The following PLEKHA2 variants were observed in gnomAD, a reference collection of about 807,000 sequenced individuals.
The protein encoded by PLEKHA2 is pleckstrin homology domain containing A2, also known as pleckstrin homology domain-containing family A member 2.
A neutral mutation model predicts 53.2 loss-of-function variants in PLEKHA2; 28 were observed. The observed-to-expected ratio is 0.53, with a 90% CI of 0.39 to 0.72. The LOEUF (loss-of-function observed/expected upper bound fraction) is 0.72, where lower values mean the gene tolerates loss of function less well. Ranked by LOEUF, PLEKHA2 falls within the 30% of genes least tolerant of loss-of-function variation. The pLI is 0.00. For synonymous variants in PLEKHA2, 193 were observed against 196.4 expected (o/e 0.98, Z 0.14); for missense variants, 426 against 537.9 (o/e 0.79, Z 2.06).
intron 1 of PLEKHA2, among the ~76,000 whole-genome samples, chr8:38,902,758 C>T (rs1471495844): frequency 3.3e-5 from 5 of 152,156 alleles, no homozygotes; most frequent in African/African-American, 1.2e-4. Flanking sequence ...ATGTATTATA[C>T]ATGCAAGGCA....
Position 38,969,940 on chromosome 8 carries a change from G to GCT in PLEKHA2, c.*158_*159dup. ...GGGAGGGAGGGGCCCATCCAGCTGG[G>GCT]CTGTGTGTGTGTGTGTGTGTGTGTG... On this transcript the variant is annotated 3_prime_UTR_variant, in exon 12 of 12. Coordinates refer to ENST00000617275, the MANE Select transcript of PLEKHA2 (RefSeq NM_021623.2). 1.2e-6 allele frequency: 1 copy of GCT among 825,732 alleles called. No homozygotes were observed. The highest frequency in any genetic ancestry group is 1.8e-6 in the Non-Finnish European group (1 of 568,826). The allele number at this position is 825,732 out of a possible 1,614,324, so 51.2% of individuals were successfully genotyped here.
chr8:38,954,432 C>T (rs1834899887), intron 9 of PLEKHA2, among the ~76,000 whole-genome samples: 1 of 152,150 alleles, frequency 6.6e-6, no homozygotes, highest in Non-Finnish European at 1.5e-5. Context: ...CTGGAGGGCC[C>T]TTGCAGATGT....
intron 2 of PLEKHA2, among the ~76,000 whole-genome samples, chr8:38,930,245 G>A (rs192947045): frequency 6.6e-5 from 10 of 151,908 alleles, no homozygotes; most frequent in Admixed American, 1.3e-4. Context: ...TCTGTCACCC[G>A]GGCTGGAGTG....
chr8:38,962,905 G>A (rs368152345), intron 10 of PLEKHA2, among the ~76,000 whole-genome samples: 4 of 151,868 alleles, frequency 2.6e-5, no homozygotes, highest in South Asian at 2.1e-4. Flanking sequence ...ACTATGTAGT[G>A]TGCAATCTAC....
chr8:38,950,951 G>C lies in PLEKHA2; in HGVS notation c.447G>C (p.Glu149Asp). Residue 149 changes from glutamate to aspartate, a missense_variant, in exon 6 of 12, where the codon GAG becomes GAC. By Grantham distance (45) the Glu-to-Asp change is conservative. Coordinates refer to ENST00000617275, the MANE Select transcript of PLEKHA2 (RefSeq NM_021623.2). ...AGCCACAGGTGGCCTACAAGACGGA[G>C]ATCATTGGAGGGGTGGTGGTCCACA... ...EKKPQVAYKTEIIGGVVVHTP... is the reference protein window; with the variant it reads ...EKKPQVAYKTDIIGGVVVHTP... The C allele has an allele frequency of 6.2e-7, 1 of 1,613,978 alleles. No homozygotes were observed. Among genetic ancestry groups the C allele is most frequent in the Non-Finnish European group, 8.5e-7 (1 of 1,179,874 alleles).
chr8:38,916,560 G>A (rs1236792698), intron 1 of PLEKHA2, among the ~76,000 whole-genome samples: 1 of 152,122 alleles, frequency 6.6e-6, no homozygotes, highest in Admixed American at 6.6e-5. Flanking sequence ...TTAACATAAT[G>A]ATCCCCAGTT....
intron 1 of PLEKHA2, 79 bp from the exon 2 acceptor site, chr8:38,917,828 T>C (rs1834087410): frequency 6.7e-7 from 1 of 1,494,238 alleles, no homozygotes; most frequent in African/African-American, 1.4e-5. Context: ...TCAGCCCAGC[T>C]TCTGGAAAAG....
At chr8:38,951,027 G>T (rs528637389) in intron 6 of PLEKHA2, 37 bp downstream of exon 6, 5 of 1,582,674 alleles carry the variant, frequency 3.2e-6, no homozygotes, top group Admixed American at 3.4e-5. Flanking sequence ...GGGAGTGGGG[G>T]TGTGGAAGTG....
chr8:38,957,241 A>T, intron 9 of PLEKHA2, 82 bp from the exon 10 acceptor site: 1 of 1,096,380 alleles, frequency 9.1e-7, no homozygotes, highest in South Asian at 1.4e-5. Flanking sequence ...TTTATGGTAG[A>T]GGGCACTGGG....
At position 38,946,146 on chromosome 8, in the gene PLEKHA2, A is replaced by C. The variant is rs1024495605; in HGVS notation, c.270A>C (p.Arg90Ser). 6.2e-7 allele frequency: 1 copy of C among 1,607,902 alleles called. No homozygotes were observed. Among genetic ancestry groups the C allele is most frequent in the Admixed American group, 1.7e-5 (1 of 59,062 alleles). ...FCFVINALSQRYFLQANDQKD... is the reference protein window; with the variant it reads ...FCFVINALSQSYFLQANDQKD... ...TAGTTATCAATGCCCTGTCTCAGAG[A>C]TATTTCCTTCAAGCCAATGATCAGA... is the stretch of plus-strand genomic sequence containing the variant. The change falls in exon 5 of 12, where the codon AGA becomes AGC. Residue 90 changes from arginine (R) to serine (S), a missense_variant. Transcript: ENST00000617275.
chr8:38,938,527 C>T (rs552326651), intron 3 of PLEKHA2, among the ~76,000 whole-genome samples: 20 of 152,242 alleles, frequency 1.3e-4, no homozygotes, highest in Non-Finnish European at 1.8e-4. Flanking sequence ...TGGCCCTAGC[C>T]GTGCCTGGCC....
At chr8:38,964,708 G>GAAAAA in intron 10 of PLEKHA2, among the ~76,000 whole-genome samples, 1 of 146,520 alleles carries the variant, frequency 6.8e-6, no homozygotes, top group East Asian at 2.0e-4. Flanking sequence ...ATTATTAACT[G>GAAAAA]AAAAAAAAAA....
chr8:38,903,247 CA>C, intron 1 of PLEKHA2, among the ~76,000 whole-genome samples: 1 of 152,350 alleles, frequency 6.6e-6, no homozygotes, highest in African/African-American at 2.4e-5. Context: ...ATGCTTTCTA[CA>C]AATTGTCTAT....
intron 2 of PLEKHA2, among the ~76,000 whole-genome samples, chr8:38,925,040 T>A (rs946587479): frequency 6.6e-6 from 1 of 150,932 alleles, no homozygotes; most frequent in Non-Finnish European, 1.5e-5. Context: ...GTAAGGATGT[T>A]CAGCATGAGA....
intron 10 of PLEKHA2, among the ~76,000 whole-genome samples, chr8:38,964,857 T>TG (rs1390238374): frequency 1.2e-5 from 1 of 82,066 alleles, no homozygotes; most frequent in African/African-American, 4.7e-5. Context: ...CTTCCCTTTT[T>TG]TTTTTTTTTT....
chr8:38,906,017 C>G lies in PLEKHA2; in HGVS notation c.-24+4572C>G, dbSNP rs568205383. Reference sequence around the variant, plus strand: ...TGGTGTTTTCTTTTCATTCTCTTAACTGCCCATGTATTAGTACCCTTTGGT... The same window carrying G: ...TGGTGTTTTCTTTTCATTCTCTTAAGTGCCCATGTATTAGTACCCTTTGGT... On this transcript the variant is annotated intron_variant, in intron 1 of 11. Transcript: ENST00000617275. 2.0e-5 allele frequency among the ~76,000 whole-genome samples: 3 copies of G among 152,334 alleles called. No individual in the cohort carries two copies. The South Asian group carries it at 6.2e-4, about 32-fold the overall frequency.
At chr8:38,941,476 A>T (rs1834612107) in intron 3 of PLEKHA2, among the ~76,000 whole-genome samples, 2 of 152,228 alleles carry the variant, frequency 1.3e-5, no homozygotes, top group African/African-American at 4.8e-5. Context: ...ATATAATGTT[A>T]TGTAGGCATT....
At chr8:38,958,142 T>C (rs1008901360) in intron 10 of PLEKHA2, among the ~76,000 whole-genome samples, 4 of 152,086 alleles carry the variant, frequency 2.6e-5, no homozygotes, top group African/African-American at 7.2e-5. Context: ...CTGGTCAACA[T>C]GGTGAAAACC....
Position 38,970,343 on chromosome 8 carries a change from C to T in PLEKHA2, c.*560C>T. 3.9e-6 allele frequency: 1 copy of T among 255,576 alleles called. No individual in the cohort carries two copies. The highest frequency in any genetic ancestry group is 7.3e-6 in the Non-Finnish European group (1 of 137,728). 15.8% of individuals were successfully genotyped at this position (255,576 alleles called of 1,614,324 possible). A position where few individuals can be genotyped will look rare whatever the true frequency, so the allele number is the denominator to read the frequency against. Reference sequence around the variant, plus strand: ...AGCCTTGTGTGCTTGCATGATCAGACCCTGTAATAGGATGAATTTCCATGC... The same window carrying T: ...AGCCTTGTGTGCTTGCATGATCAGATCCTGTAATAGGATGAATTTCCATGC... On this transcript the variant is annotated 3_prime_UTR_variant, in exon 12 of 12. Coordinates refer to ENST00000617275, the MANE Select transcript of PLEKHA2 (RefSeq NM_021623.2).
Sources: allele counts gnomAD v4.1 joint callset (sites outside exome capture counted in the v4.1 genomes callset), GRCh38; gene constraint gnomAD v4.1.1; transcripts MANE v1.5; gene names NCBI Gene and HGNC (gene_info 2026-07-23, HGNC 2026-07-21).